GHR: variants seen among roughly 807,000 people sequenced by gnomAD.
GHR encodes the protein growth hormone receptor.
Under a neutral mutation model 67.1 loss-of-function variants are expected in GHR, and 35 were observed. The observed-to-expected ratio is 0.52, with a 90% CI of 0.40 to 0.69. The LOEUF is 0.69. Among genes scored for constraint, GHR ranks in the 30% least tolerant of loss-of-function variants. The pLI is 0.00. For synonymous variants in GHR, 272 were observed against 269.1 expected, an observed-to-expected ratio of 1.01 and a Z score of -0.10; for missense variants, 792 against 764.6, an observed-to-expected ratio of 1.04 and a Z score of -0.42.
At chr5:42,705,052 C>T (rs1758111236) in intron 6 of GHR, among the ~76,000 whole-genome samples, 1 of 152,038 alleles carries the variant, frequency 6.6e-6, no homozygotes, top group Non-Finnish European at 1.5e-5. Context: ...GGATTTATCC[C>T]AGGGATGCAA....
chr5:42,651,046 T>G (rs1389681571), intron 3 of GHR, among the ~76,000 whole-genome samples: 2 of 152,168 alleles, frequency 1.3e-5, no homozygotes, highest in Non-Finnish European at 2.9e-5. Flanking sequence ...TTGCCTGATG[T>G]CTTCATCCTA....
chr5:42,703,897 T>G (rs1348704680), intron 6 of GHR, among the ~76,000 whole-genome samples: 1 of 152,048 alleles, frequency 6.6e-6, no homozygotes, highest in Non-Finnish European at 1.5e-5. Flanking sequence ...CTTTGTATCC[T>G]GCAGCTTTAC....
intron 3 of GHR, among the ~76,000 whole-genome samples, chr5:42,685,787 G>T (rs1186666383): frequency 4.0e-5 from 6 of 151,878 alleles, no homozygotes; most frequent in East Asian, 3.9e-4. Flanking sequence ...TTTTTGATGG[G>T]GTTGTTTTTT....
intron 6 of GHR, among the ~76,000 whole-genome samples, chr5:42,707,375 A>G (rs750482056): frequency 6.6e-6 from 1 of 151,844 alleles, no homozygotes; most frequent in African/African-American, 2.4e-5. Flanking sequence ...CCATGAAAAT[A>G]TTAGACAGGT....
At chr5:42,443,062 C>T (rs1227023410) in intron 1 of GHR, among the ~76,000 whole-genome samples, 2 of 152,160 alleles carry the variant, frequency 1.3e-5, no homozygotes, top group African/African-American at 4.8e-5. Flanking sequence ...AGGGGCAACA[C>T]TCCTGGCTCA....
intron 2 of GHR, among the ~76,000 whole-genome samples, chr5:42,577,885 A>G (rs1750846994): frequency 6.6e-6 from 1 of 152,214 alleles, no homozygotes; most frequent in African/African-American, 2.4e-5. Context: ...GCTTGTTTGT[A>G]TATTTTTAAG....
chr5:42,565,610 G>A (rs1029168910), intron 1 of GHR: 13 of 985,082 alleles, frequency 1.3e-5, no homozygotes, highest in Non-Finnish European at 1.1e-5. Flanking sequence ...TTGAGCCAGG[G>A]TATGAACATC....
intron 3 of GHR, among the ~76,000 whole-genome samples, chr5:42,669,745 G>T (rs1756176563): frequency 6.6e-6 from 1 of 151,998 alleles, no homozygotes; most frequent in South Asian, 2.1e-4. Flanking sequence ...CAAACTGTAT[G>T]AAAAAGAAAT....
chr5:42,470,052 TTAA>T (rs112301882), intron 1 of GHR, among the ~76,000 whole-genome samples: 32,156 of 147,372 alleles, frequency 0.22, 3,830 homozygotes, highest in Middle Eastern at 0.29. Flanking sequence ...ACTAATATAA[TTAA>T]TAATGTGTGT....
intron 3 of GHR, among the ~76,000 whole-genome samples, chr5:42,652,675 C>T (rs1444644049): frequency 6.6e-6 from 1 of 152,110 alleles, no homozygotes; most frequent in African/African-American, 2.4e-5. Flanking sequence ...GTAAACTAAG[C>T]ACTTTAGTTC....
Position 42,519,451 on chromosome 5 carries a change from T to G in GHR, c.-11-46413T>G, listed in dbSNP as rs144633066. ...AAGACAAATTTAAGTCTCTCAGTAT[T>G]TCCTTCTAACTTTAAACATGACTGC... On this transcript the variant is annotated intron_variant, in intron 1 of 9. Coordinates refer to ENST00000230882, the MANE Select transcript of GHR (RefSeq NM_000163.5). 6.6e-5 allele frequency among the ~76,000 whole-genome samples: 10 copies of G among 152,292 alleles called. No homozygotes were observed. In the East Asian group the frequency reaches 1.9e-3, roughly 29 times the overall value.
chr5:42,589,343 C>T (rs1489322650), intron 2 of GHR, among the ~76,000 whole-genome samples: 1 of 152,038 alleles, frequency 6.6e-6, no homozygotes, highest in African/African-American at 2.4e-5. Context: ...GAAAATATGC[C>T]CTATTGTCCT....
rs540131716 is a variant in GHR at position 42,643,981 on chromosome 5, G to A, written c.136+14878G>A. Among the ~76,000 whole-genome samples, 17 of 152,208 alleles carry A rather than the reference G, an allele frequency of 1.1e-4. No homozygotes were observed. The South Asian group carries it at 3.3e-3, about 30-fold the overall frequency. Reference sequence around the variant, plus strand: ...GCATTTGAGAATAACTGAATAGTTGGTGGAATAAAGTTGTTTTTTTAAAAG... The same window carrying A: ...GCATTTGAGAATAACTGAATAGTTGATGGAATAAAGTTGTTTTTTTAAAAG... On this transcript the variant is annotated intron_variant, in intron 3 of 9. Transcript: ENST00000230882.
chr5:42,583,042 G>A (rs549231437), intron 2 of GHR, among the ~76,000 whole-genome samples: 235 of 152,348 alleles, frequency 1.5e-3, no homozygotes, highest in African/African-American at 5.5e-3. Context: ...GGCAGAACAA[G>A]CCCATTGGGC....
At chr5:42,681,173 C>T (rs1243257706) in intron 3 of GHR, among the ~76,000 whole-genome samples, 1 of 151,596 alleles carries the variant, frequency 6.6e-6, no homozygotes, top group Non-Finnish European at 1.5e-5. Context: ...AGTGAACAGG[C>T]AACCTACAGA....
chr5:42,530,735 GAGAT>G (rs1747929054), intron 1 of GHR, among the ~76,000 whole-genome samples: 1 of 152,090 alleles, frequency 6.6e-6, no homozygotes, highest in South Asian at 2.1e-4. Context: ...GTCATATTCA[GAGAT>G]AGATTGTTGG....
At chr5:42,468,418 G>T in intron 1 of GHR, 1 of 1,092,228 alleles carries the variant, frequency 9.2e-7, no homozygotes, top group Non-Finnish European at 1.3e-6. Context: ...TTCTTCTTGA[G>T]TTTCCTCCCA....
intron 3 of GHR, among the ~76,000 whole-genome samples, chr5:42,656,158 A>G (rs899477699): frequency 6.6e-6 from 1 of 152,146 alleles, no homozygotes; most frequent in Non-Finnish European, 1.5e-5. Context: ...TCTGAACGGT[A>G]ACACTCCCAC....
At chr5:42,557,563 T>C (rs1030253322) in intron 1 of GHR, among the ~76,000 whole-genome samples, 1 of 152,128 alleles carries the variant, frequency 6.6e-6, no homozygotes, top group African/African-American at 2.4e-5. Context: ...ATTTTTTTAT[T>C]AAAAAGGGAA....
Sources: gnomAD v4.1 joint callset for allele counts (sites outside exome capture counted in the v4.1 genomes callset) on GRCh38, gnomAD v4.1.1 for gene constraint, MANE v1.5 for transcripts, NCBI Gene and HGNC (gene_info 2026-07-23, HGNC 2026-07-21) for gene names.